Variants in CROT observed in about 807,000 individuals in gnomAD.
CROT encodes the protein peroxisomal carnitine O-octanoyltransferase.
In CROT, 84 loss-of-function variants were observed where a neutral mutation model predicts 89.2. The observed-to-expected ratio is 0.94, with a 90% CI of 0.79 to 1.13. The LOEUF is 1.13. Ranked by LOEUF, CROT falls within the 50% of genes most tolerant of loss-of-function variation. The pLI, the probability that CROT is intolerant of heterozygous loss-of-function variation, is 0.00. For synonymous variants in CROT, 212 were observed against 239.5 expected, an observed-to-expected ratio of 0.89 and a Z score of 1.06; for missense variants, 711 against 727.8, an observed-to-expected ratio of 0.98 and a Z score of 0.27.
chr7:87,391,913 C>T (rs1329038451), intron 14 of CROT, among the ~76,000 whole-genome samples: 4 of 152,158 alleles, frequency 2.6e-5, no homozygotes, highest in African/African-American at 9.7e-5. Context: ...GGAAAAGGAT[C>T]CCATTTGTGT....
chr7:87,354,380 G>GA (rs1485880066), intron 3 of CROT: 1 of 518,418 alleles, frequency 1.9e-6, no homozygotes, highest in Non-Finnish European at 3.9e-6. Context: ...CAAACCTGAT[G>GA]AAAAAAGTGC....
chr7:87,372,209 A>G, intron 7 of CROT, among the ~76,000 whole-genome samples: 1 of 152,086 alleles, frequency 6.6e-6, no homozygotes, highest in East Asian at 1.9e-4. Context: ...TTATTGATTT[A>G]TAGCAATTAT....
At chr7:87,359,404 A>T (rs749724100) in intron 4 of CROT, 74 bp downstream of exon 4, 1 of 1,502,632 alleles carries the variant, frequency 6.7e-7, no homozygotes. Flanking sequence ...TTTTATTTTT[A>T]AATTATTGCT....
chr7:87,381,032 G>A (rs1157623643), intron 10 of CROT, among the ~76,000 whole-genome samples: 3 of 152,110 alleles, frequency 2.0e-5, no homozygotes, highest in Admixed American at 6.5e-5. Context: ...TATAGGCTCC[G>A]CTGGGCCATG....
Position 87,398,603 on chromosome 7 carries a change from T to G in CROT, c.1798T>G (p.Phe600Val). The change falls in exon 18 of 18, where the codon TTT (phenylalanine) becomes GTT (valine). Residue 600 changes from phenylalanine to valine, a missense_variant. Physicochemically the swap from Phe to Val is conservative, Grantham distance 50 (BLOSUM62 -1). Transcript: ENST00000331536. Reference sequence around the variant, plus strand: ...GCTAGTTCAGCTGACTTTTTGTGCTTTTCATGATATGATACAGCTGATGAA... The same window carrying G: ...GCTAGTTCAGCTGACTTTTTGTGCTGTTCATGATATGATACAGCTGATGAA... Reference protein sequence around the residue: ...EKLVQLTFCAFHDMIQLMNST... With the variant: ...EKLVQLTFCAVHDMIQLMNST... 3 of 1,613,782 alleles carry G rather than the reference T, an allele frequency of 1.9e-6. No homozygotes were observed. The highest frequency in any genetic ancestry group is 2.5e-6 in the Non-Finnish European group (3 of 1,179,880).
At chr7:87,346,049 A>G (rs902820122) in intron 1 of CROT, among the ~76,000 whole-genome samples, 3 of 151,842 alleles carry the variant, frequency 2.0e-5, no homozygotes, top group South Asian at 2.1e-4. Context: ...TCCTGCTTCT[A>G]CCCCTTGCCA....
At chr7:87,347,158 T>TGGG in intron 2 of CROT, among the ~76,000 whole-genome samples, 1 of 152,242 alleles carries the variant, frequency 6.6e-6, no homozygotes, top group Non-Finnish European at 1.5e-5. Context: ...CTCAAGTGAT[T>TGGG]AGATTAGTTC....
chr7:87,360,470 AC>A (rs1806232160), intron 4 of CROT, among the ~76,000 whole-genome samples: 3 of 152,030 alleles, frequency 2.0e-5, no homozygotes, highest in Admixed American at 2.0e-4. Flanking sequence ...TCTCCCATGC[AC>A]CTGGAATTGC....
chr7:87,360,274 T>C (rs529060021), intron 4 of CROT, among the ~76,000 whole-genome samples: 1 of 152,360 alleles, frequency 6.6e-6, no homozygotes, highest in South Asian at 2.1e-4. Flanking sequence ...GAGGGACACA[T>C]AGAAAACAGT....
chr7:87,366,475 C>A (rs1806451838), intron 6 of CROT, among the ~76,000 whole-genome samples: 1 of 152,164 alleles, frequency 6.6e-6, no homozygotes. Context: ...CTTTCCATTA[C>A]TACCTCAGTC....
chr7:87,361,351 T>C (rs1806261600), intron 4 of CROT, 39 bp from the exon 5 acceptor site: 2 of 1,563,662 alleles, frequency 1.3e-6, no homozygotes, highest in African/African-American at 1.4e-5. Context: ...ATTCATGTAT[T>C]ATGAAGAACA....
At chr7:87,369,676 A>ATGT (rs1439563215) in intron 7 of CROT, 192 bp downstream of exon 7, 1 of 263,648 alleles carries the variant, frequency 3.8e-6, no homozygotes, top group African/African-American at 2.3e-5. Flanking sequence ...ATATATAAAT[A>ATGT]TGTTCACTTG....
At chr7:87,386,035 A>T (rs1365375053) in intron 13 of CROT, among the ~76,000 whole-genome samples, 4 of 152,150 alleles carry the variant, frequency 2.6e-5, no homozygotes, top group Non-Finnish European at 5.9e-5. Flanking sequence ...ATGGTGAGTG[A>T]TCTTTTTAAT....
rs369399225 is a variant in CROT at position 87,353,757 on chromosome 7, A to G, written c.115+4574A>G. On this transcript the variant is annotated intron_variant, in intron 3 of 17. Transcript: ENST00000331536. ...AGGTGCCACACACTTTTAAACAACCAGATCTGGTGTGAATCAGAGTGAGGG... is the reference window on the plus strand; with the variant it reads ...AGGTGCCACACACTTTTAAACAACCGGATCTGGTGTGAATCAGAGTGAGGG... 1.3e-4 allele frequency among the ~76,000 whole-genome samples: 20 copies of G among 152,262 alleles called. No individual in the cohort carries two copies. In the East Asian group the frequency reaches 2.3e-3, roughly 18 times the overall value.
chr7:87,381,343 G>GA (rs1806995756), intron 10 of CROT, among the ~76,000 whole-genome samples: 1 of 152,176 alleles, frequency 6.6e-6, no homozygotes, highest in Admixed American at 6.6e-5. Flanking sequence ...TGGCAAACCT[G>GA]AAACAGCCCC....
intron 17 of CROT, 57 bp from the exon 18 acceptor site, chr7:87,398,467 C>T: frequency 6.3e-7 from 1 of 1,597,300 alleles, no homozygotes; most frequent in East Asian, 2.2e-5. Flanking sequence ...TGGTTGTATT[C>T]ACCATCACTA....
At chr7:87,363,854 A>T (rs1806357460) in intron 6 of CROT, among the ~76,000 whole-genome samples, 1 of 152,194 alleles carries the variant, frequency 6.6e-6, no homozygotes, top group African/African-American at 2.4e-5. Context: ...TACTAGGATT[A>T]TGGCATTGGA....
At chr7:87,361,129 ATT>A (rs756941293) in intron 4 of CROT, among the ~76,000 whole-genome samples, 3 of 142,076 alleles carry the variant, frequency 2.1e-5, no homozygotes, top group Non-Finnish European at 3.1e-5. Flanking sequence ...CAGCTAATTA[ATT>A]TTTTTTTTTT....
chr7:87,376,092 A>T, intron 9 of CROT, 139 bp downstream of exon 9: 1 of 708,050 alleles, frequency 1.4e-6, no homozygotes, highest in South Asian at 2.6e-5. Context: ...TACTTGTGCC[A>T]AATTGAAGCT....
Sources: gnomAD v4.1 joint callset for allele counts (sites outside exome capture counted in the v4.1 genomes callset) on GRCh38, gnomAD v4.1.1 for gene constraint, MANE v1.5 for transcripts, NCBI Gene and HGNC (gene_info 2026-07-23, HGNC 2026-07-21) for gene names.